The following FSTL5 variants were observed in gnomAD, a reference collection of about 807,000 sequenced individuals.
FSTL5 encodes follistatin like 5.
Under a neutral mutation model 89.1 loss-of-function variants are expected in FSTL5, and 62 were observed. The observed-to-expected ratio is 0.70, with a 90% CI of 0.57 to 0.86. The LOEUF (loss-of-function observed/expected upper bound fraction) is 0.86. FSTL5 is among the 40% of genes least tolerant of loss of function. FSTL5 has a pLI of 0.00. For synonymous variants in FSTL5, 383 were observed against 346.2 expected, an observed-to-expected ratio of 1.11 and a Z score of -1.18; for missense variants, 1,057 against 1,001.6, an observed-to-expected ratio of 1.06 and a Z score of -0.75.
chr4:161,990,923 G>A (rs1480018586), intron 3 of FSTL5, among the ~76,000 whole-genome samples: 1 of 152,034 alleles, frequency 6.6e-6, no homozygotes, highest in African/African-American at 2.4e-5. Flanking sequence ...CAAACTTGCT[G>A]TCTCCACTCA....
chr4:161,460,103 A>G (rs1733506163), intron 13 of FSTL5, among the ~76,000 whole-genome samples: 1 of 152,068 alleles, frequency 6.6e-6, no homozygotes, highest in Non-Finnish European at 1.5e-5. Context: ...GTAGGTACTT[A>G]TATATTTTCT....
At chr4:161,741,231 A>G (rs1230458873) in intron 6 of FSTL5, among the ~76,000 whole-genome samples, 3 of 152,226 alleles carry the variant, frequency 2.0e-5, no homozygotes, top group African/African-American at 7.2e-5. Flanking sequence ...TTTACCAGAT[A>G]GAATTAAGAC....
intron 2 of FSTL5, among the ~76,000 whole-genome samples, chr4:162,074,758 C>T (rs539277343): frequency 2.6e-5 from 4 of 151,682 alleles, no homozygotes; most frequent in East Asian, 1.9e-4. Flanking sequence ...CACATACAGA[C>T]GCTCCTTACC....
chr4:161,421,198 G>A (rs1291815494), intron 15 of FSTL5, among the ~76,000 whole-genome samples: 5 of 151,968 alleles, frequency 3.3e-5, no homozygotes, highest in Non-Finnish European at 5.9e-5. Flanking sequence ...AACATTAGCC[G>A]GGCGTGGTGG....
chr4:162,084,011 G>A, intron 2 of FSTL5, among the ~76,000 whole-genome samples: 2 of 151,670 alleles, frequency 1.3e-5, no homozygotes, highest in South Asian at 4.2e-4. Flanking sequence ...GTATTTGTGG[G>A]AAAAAAAGAA....
Position 161,401,476 on chromosome 4 carries a change from T to C in FSTL5, c.1842-15027A>G, listed in dbSNP as rs534335893. Among the ~76,000 whole-genome samples the C allele has an allele frequency of 3.3e-5, 5 of 152,318 alleles. No homozygotes were observed. In the South Asian group the frequency reaches 1.0e-3, roughly 32 times the overall value. ...TTAAGAATCTCAGTGTTTTAAATCA[T>C]AACATTTCTACAAATGGAAAAGTAC... On this transcript the variant is annotated intron_variant, in intron 15 of 15. Transcript: ENST00000306100.
intron 2 of FSTL5, among the ~76,000 whole-genome samples, chr4:162,077,199 C>T (rs545488613): frequency 4.0e-5 from 6 of 151,794 alleles, no homozygotes; most frequent in African/African-American, 4.8e-5. Flanking sequence ...CAGAAAAGCA[C>T]GAGAGGGCAA....
chr4:162,088,534 C>A (rs1197922088), intron 2 of FSTL5, among the ~76,000 whole-genome samples: 1 of 151,988 alleles, frequency 6.6e-6, no homozygotes, highest in Non-Finnish European at 1.5e-5. Context: ...TATTTTCATG[C>A]ATATTTGAGA....
chr4:161,718,296 T>A (rs1579044997), intron 6 of FSTL5, among the ~76,000 whole-genome samples: 2 of 152,200 alleles, frequency 1.3e-5, no homozygotes, highest in African/African-American at 4.8e-5. Flanking sequence ...TTTTGCTTAA[T>A]GATTTTTACT....
At chr4:161,472,801 T>C (rs1733994083) in intron 13 of FSTL5, among the ~76,000 whole-genome samples, 1 of 152,014 alleles carries the variant, frequency 6.6e-6, no homozygotes, top group South Asian at 2.1e-4. Context: ...CTCGGCTCAC[T>C]GCAACCTCTG....
At chr4:161,524,006 T>C (rs1219451389) in intron 10 of FSTL5, among the ~76,000 whole-genome samples, 1 of 152,178 alleles carries the variant, frequency 6.6e-6, no homozygotes, top group Non-Finnish European at 1.5e-5. Flanking sequence ...GAGAGGCTGT[T>C]TCAGGCCATG....
intron 12 of FSTL5, among the ~76,000 whole-genome samples, chr4:161,488,700 T>A (rs1485614494): frequency 6.6e-6 from 1 of 152,132 alleles, no homozygotes; most frequent in Non-Finnish European, 1.5e-5. Context: ...GGTGAAGTGA[T>A]CAATAAAAGT....
At chr4:161,421,520 T>G (rs1233619539) in intron 15 of FSTL5, among the ~76,000 whole-genome samples, 1 of 152,156 alleles carries the variant, frequency 6.6e-6, no homozygotes, top group Non-Finnish European at 1.5e-5. Context: ...TTTAAGGAGG[T>G]GTGCATGGGT....
chr4:161,775,490 G>A (rs1741376456), intron 5 of FSTL5, among the ~76,000 whole-genome samples: 1 of 152,100 alleles, frequency 6.6e-6, no homozygotes, highest in Non-Finnish European at 1.5e-5. Context: ...AATGTGCTCA[G>A]TTGTTCGGTA....
intron 8 of FSTL5, among the ~76,000 whole-genome samples, chr4:161,558,551 A>G (rs1019514869): frequency 7.4e-5 from 10 of 135,676 alleles, no homozygotes; most frequent in African/African-American, 2.7e-4. Flanking sequence ...TCAAAATGTT[A>G]CTCTTAACTT....
chr4:161,836,211 A>G (rs1731034347), intron 4 of FSTL5, among the ~76,000 whole-genome samples: 1 of 150,998 alleles, frequency 6.6e-6, no homozygotes. Flanking sequence ...AGAACAAAAA[A>G]ACAACCACTG....
At position 161,720,892 on chromosome 4, in the gene FSTL5, A is replaced by C. The variant is rs534505008; in HGVS notation, c.727+38519T>G. On this transcript the variant is annotated intron_variant, in intron 6 of 15. Coordinates refer to ENST00000306100, the MANE Select transcript of FSTL5 (RefSeq NM_020116.5). ...GACGAAACAGGGAGGTATTGGTCAA[A>C]GGGTACAGCATTTAAGTTGTACAAG... 2.1e-3 allele frequency among the ~76,000 whole-genome samples: 321 copies of C among 152,294 alleles called. 2 individuals are homozygous for C. Among genetic ancestry groups the C allele is most frequent in the South Asian group, 8.1e-3 (39 of 4,832 alleles).
At chr4:161,441,378 T>G (rs1438951500) in intron 15 of FSTL5, among the ~76,000 whole-genome samples, 1 of 152,146 alleles carries the variant, frequency 6.6e-6, no homozygotes, top group Non-Finnish European at 1.5e-5. Context: ...TTGCCCTTCA[T>G]TGTTACAATT....
intron 6 of FSTL5, among the ~76,000 whole-genome samples, chr4:161,756,416 A>G (rs911194743): frequency 1.3e-5 from 2 of 152,092 alleles, no homozygotes; most frequent in Admixed American, 6.5e-5. Context: ...TTTACTACAA[A>G]CAATTTCCAT....
Sources: allele counts gnomAD v4.1 joint callset (sites outside exome capture counted in the v4.1 genomes callset), GRCh38; gene constraint gnomAD v4.1.1; transcripts MANE v1.5; gene names NCBI Gene and HGNC (gene_info 2026-07-23, HGNC 2026-07-21).